POFUT4: variants seen among roughly 807,000 people sequenced by gnomAD.
POFUT4 encodes the protein protein O-fucosyltransferase 4.
the POFUT4 span, among the ~76,000 whole-genome samples, chr10:73,777,344 A>G: frequency 6.6e-6 from 1 of 151,760 alleles, no homozygotes; most frequent in African/African-American, 2.4e-5. Context: ...AAAAAGTGCA[A>G]ATTTTTATAG....
the POFUT4 span, chr10:73,772,315 G>A: frequency 1.4e-6 from 2 of 1,419,538 alleles, no homozygotes; most frequent in Non-Finnish European, 1.8e-6. Flanking sequence ...CCGAGGGGGC[G>A]CCGGCTGCCG....
chr10:73,772,414 A>T, the POFUT4 span: 3 of 1,572,428 alleles, frequency 1.9e-6, no homozygotes, highest in Non-Finnish European at 1.7e-6. Flanking sequence ...ATGGGTCCGT[A>T]GCGGAGAGGG....
the POFUT4 span, among the ~76,000 whole-genome samples, chr10:73,777,284 T>C: frequency 2.7e-5 from 4 of 150,884 alleles, no homozygotes; most frequent in Non-Finnish European, 4.4e-5. Flanking sequence ...TGAGTCAAAG[T>C]GCAAATTTTT....
the POFUT4 span, chr10:73,772,616 CG>C: frequency 6.4e-7 from 1 of 1,562,792 alleles, no homozygotes; most frequent in Admixed American, 1.9e-5. Context: ...AGACTCGGAG[CG>C]CATCGAGTGT....
At chr10:73,772,549 G>A in the POFUT4 span, 1 of 1,572,956 alleles carries the variant, frequency 6.4e-7, no homozygotes, top group Admixed American at 1.8e-5. Context: ...GGGAGGAGGC[G>A]GGGGACTTGC....
the POFUT4 span, chr10:73,774,580 G>C: frequency 2.0e-5 from 3 of 152,198 alleles, no homozygotes; most frequent in South Asian, 6.2e-4. Flanking sequence ...CATACCTGTA[G>C]TCCTGGCTAC....
chr10:73,775,901 T>C, the POFUT4 span: 5 of 555,642 alleles, frequency 9.0e-6, no homozygotes, highest in African/African-American at 1.9e-5. Context: ...ATACAATTCT[T>C]GGTTCAGTGG....
the POFUT4 span, chr10:73,778,957 G>C: frequency 6.6e-6 from 1 of 151,604 alleles, no homozygotes; most frequent in African/African-American, 2.4e-5. Context: ...TGGGTAACAT[G>C]GTAAAACCCC....
chr10:73,779,796 T>G, the POFUT4 span: 2 of 151,758 alleles, frequency 1.3e-5, no homozygotes, highest in African/African-American at 4.8e-5. Flanking sequence ...CCTAATGACA[T>G]GGGCTCACAT....
At chr10:73,772,538 A>AG in the POFUT4 span, 1 of 1,569,364 alleles carries the variant, frequency 6.4e-7, no homozygotes, top group Non-Finnish European at 8.6e-7. Flanking sequence ...GCGGCCAGGG[A>AG]GGGAGGAGGC....
chr10:73,777,646 C>T, the POFUT4 span, among the ~76,000 whole-genome samples: 1 of 151,878 alleles, frequency 6.6e-6, no homozygotes, highest in Non-Finnish European at 1.5e-5. Flanking sequence ...TCTCTGCATT[C>T]CCAGTTCAAG....
chr10:73,772,605 G>T, the POFUT4 span: 3 of 1,567,590 alleles, frequency 1.9e-6, no homozygotes, highest in South Asian at 3.5e-5. Context: ...CACTTCCCGG[G>T]AGACTCGGAG....
At chr10:73,775,391 T>G in the POFUT4 span, 1 of 1,599,276 alleles carries the variant, frequency 6.3e-7, no homozygotes, top group African/African-American at 1.3e-5. Context: ...TTATATTGGA[T>G]TTACTTCACT....
chr10:73,775,571 G>T, the POFUT4 span: 1 of 1,614,172 alleles, frequency 6.2e-7, no homozygotes, highest in Non-Finnish European at 8.5e-7. Context: ...AAGATTATTG[G>T]CAAGGTCTGG....
At chr10:73,775,538 C>T in the POFUT4 span, 3 of 1,614,138 alleles carry the variant, frequency 1.9e-6, no homozygotes, top group South Asian at 1.1e-5. Flanking sequence ...TTTGATATTT[C>T]AGTTGGAAAG....
chr10:73,776,448 T>G, the POFUT4 span, among the ~76,000 whole-genome samples: 1 of 151,782 alleles, frequency 6.6e-6, no homozygotes, highest in Non-Finnish European at 1.5e-5. Context: ...TCCCAACACT[T>G]TGGGAGGCCG....
the POFUT4 span, chr10:73,775,673 G>A: frequency 6.2e-7 from 1 of 1,614,188 alleles, no homozygotes; most frequent in Non-Finnish European, 8.5e-7. Context: ...TCATGAAGAG[G>A]CAACATCTCT....
chr10:73,775,285 A>G, the POFUT4 span: 854 of 817,448 alleles, frequency 1.0e-3, no homozygotes, highest in Non-Finnish European at 1.5e-3. Flanking sequence ...CCCCCTCCAC[A>G]TTTGGGAGCC....
At chr10:73,773,183 G>C in the POFUT4 span, 8 of 1,603,584 alleles carry the variant, frequency 5.0e-6, no homozygotes, top group East Asian at 1.8e-4. Flanking sequence ...TACTGTACCC[G>C]GTCTAGGTAG....
Sources: gnomAD v4.1 joint callset for allele counts (sites outside exome capture counted in the v4.1 genomes callset) on GRCh38, gnomAD v4.1.1 for gene constraint, MANE v1.5 for transcripts, NCBI Gene and HGNC (gene_info 2026-07-23, HGNC 2026-07-21) for gene names.